The following ZRSR2 variants were observed in gnomAD, a reference collection of about 807,000 sequenced individuals.
ZRSR2 encodes the protein U2 small nuclear ribonucleoprotein auxiliary factor 35 kDa subunit-related protein 2.
ZRSR2 carries 3 observed loss-of-function variants against 39.4 expected under a neutral mutation model. The ratio of observed to expected loss-of-function variants is 0.08; its 90% CI spans 0.03 to 0.20. ZRSR2 has a LOEUF of 0.20. ZRSR2 is among the 10% of genes least tolerant of loss of function. The probability of loss-of-function intolerance (pLI) is 1.00; values close to 1 mark genes in which losing one functional copy is unlikely to be tolerated. For missense variants in ZRSR2, 256 were observed against 391.5 expected (o/e 0.65, Z 2.92); for synonymous variants, 137 against 136.0 (o/e 1.01, Z -0.05).
rs1161449830 is a variant in ZRSR2 at position 15,805,844 on chromosome X, T to C, written c.399+1647T>C. Among the ~76,000 whole-genome samples the C allele has an allele frequency of 1.0e-4, 6 of 60,062 alleles. No homozygotes were observed. In the East Asian group the frequency reaches 1.7e-3, roughly 17 times the overall value. The allele number at this position is 60,062 out of a possible 115,157, so 52.2% of individuals were successfully genotyped here. On this transcript the variant is annotated intron_variant, in intron 5 of 10. Transcript: ENST00000307771. ...TACTCAGGAGTCTGAGGCAGAAGAATCACTTGAACCGGGAGGCAGAGGTTT... is the reference window on the plus strand; with the variant it reads ...TACTCAGGAGTCTGAGGCAGAAGAACCACTTGAACCGGGAGGCAGAGGTTT...
In ZRSR2 at chrX:15,799,971, C is replaced by T. The variant is rs1932611693; in HGVS notation, c.203+18C>T. 3.7e-6 allele frequency: 4 copies of T among 1,078,315 alleles called. No individual in the cohort carries two copies. The highest frequency in any genetic ancestry group is 5.0e-6 in the Non-Finnish European group (4 of 794,856). 88.9% of individuals were successfully genotyped at this position (1,078,315 alleles called of 1,213,427 possible). A position where few individuals can be genotyped will look rare whatever the true frequency, so the allele number is the denominator to read the frequency against. ...AGAGAGAGGTCAGTGCTAATTGAAA[C>T]ACTTAAAGTGAATGAAGTTATTTTA... On this transcript the variant is annotated intron_variant, in intron 3 of 10. Coordinates refer to ENST00000307771, the MANE Select transcript of ZRSR2 (RefSeq NM_005089.4).
chrX:15,797,082 C>A (rs914661202), intron 2 of ZRSR2, among the ~76,000 whole-genome samples: 1 of 110,380 alleles, frequency 9.1e-6, no homozygotes, highest in African/African-American at 3.3e-5. Flanking sequence ...GCATGAGCCA[C>A]CGCTCCCTGG....
In ZRSR2 at chrX:15,822,897, C is replaced by T; in HGVS notation, c.1104C>T (p.Gly368=). The change falls in exon 11 of 11, where the codon GGC becomes GGT. Residue 368 remains glycine (G), a synonymous_variant. Transcript: ENST00000307771. The part of the protein sequence containing the change: ...GKNSERRERM[G]HHDDYYSRLR... Reference sequence around the variant, plus strand: ...ACTCCGAAAGGAGGGAGAGGATGGGCCACCACGACGACTACTACAGCAGGC... The same window carrying T: ...ACTCCGAAAGGAGGGAGAGGATGGGTCACCACGACGACTACTACAGCAGGC... 2 of 1,212,239 alleles carry T rather than the reference C, an allele frequency of 1.6e-6. No individual in the cohort carries two copies. Among genetic ancestry groups the T allele is most frequent in the Non-Finnish European group, 2.2e-6 (2 of 895,639 alleles).
intron 2 of ZRSR2, among the ~76,000 whole-genome samples, chrX:15,794,884 T>C (rs559919936): frequency 8.9e-6 from 1 of 112,263 alleles, no homozygotes; most frequent in South Asian, 3.7e-4. Flanking sequence ...CAGTCTTGAA[T>C]AATTGGCCCT....
At chrX:15,794,337 C>G (rs188427794) in intron 2 of ZRSR2, among the ~76,000 whole-genome samples, 1 of 110,547 alleles carries the variant, frequency 9.0e-6, no homozygotes, top group African/African-American at 3.3e-5. Context: ...CGCCCCCCGC[C>G]CCTCCCCACA....
chrX:15,823,086 G>A lies in ZRSR2; in HGVS notation c.1293G>A (p.Arg431=), dbSNP rs1193160488. ...GAGGAAGAAATAGGGACCGCAGCAG[G>A]GACCGCAGCCGGGGCCGGGGCAGCC... ...RSRGRNRDRS[R]DRSRGRGSRS... is the part of the protein sequence containing the mutation. Residue 431 remains arginine, a synonymous_variant, in exon 11 of 11, where the codon AGG becomes AGA. Coordinates refer to ENST00000307771, the MANE Select transcript of ZRSR2 (RefSeq NM_005089.4). 2.5e-6 allele frequency: 3 copies of A among 1,209,196 alleles called. No individual in the cohort carries two copies. In the South Asian group the frequency reaches 5.3e-5, roughly 21 times the overall value.
chrX:15,797,582 T>C (rs956111982), intron 2 of ZRSR2, among the ~76,000 whole-genome samples: 4 of 112,163 alleles, frequency 3.6e-5, no homozygotes, highest in African/African-American at 1.3e-4. Context: ...GTACATATAT[T>C]TTATGCATTC....
intron 2 of ZRSR2, among the ~76,000 whole-genome samples, chrX:15,796,996 G>A (rs1160194901): frequency 9.3e-6 from 1 of 107,240 alleles, no homozygotes; most frequent in African/African-American, 3.4e-5. Context: ...GTTTCGCCAT[G>A]TTGGCCAGGC....
At chrX:15,805,262 T>A (rs1381643999) in intron 5 of ZRSR2, among the ~76,000 whole-genome samples, 1 of 111,659 alleles carries the variant, frequency 9.0e-6, no homozygotes, top group East Asian at 2.8e-4. Context: ...ATGCTAGGTT[T>A]TTAGGGGGCA....
intron 10 of ZRSR2, among the ~76,000 whole-genome samples, 165 bp downstream of exon 10, chrX:15,820,481 T>C (rs890235746): frequency 4.5e-5 from 5 of 111,900 alleles, no homozygotes; most frequent in Non-Finnish European, 9.4e-5. Context: ...TTTAGATCTG[T>C]AACCGACCTC....
Position 15,799,961 on chromosome X carries a change from C to T in ZRSR2, c.203+8C>T, listed in dbSNP as rs1284209691. 1.4e-5 allele frequency: 16 copies of T among 1,129,192 alleles called. No homozygotes were observed. Among genetic ancestry groups the T allele is most frequent in the African/African-American group, 1.9e-5 (1 of 51,790 alleles). 93.1% of individuals were successfully genotyped at this position (1,129,192 alleles called of 1,213,427 possible). On this transcript the variant is annotated splice_region_variant and intron_variant, in intron 3 of 10. Transcript: ENST00000307771. ...GCTATTGGAAAGAGAGAGGTCAGTG[C>T]TAATTGAAACACTTAAAGTGAATGA...
chrX:15,812,171 C>T (rs771982065), intron 7 of ZRSR2, among the ~76,000 whole-genome samples: 20 of 111,420 alleles, frequency 1.8e-4, no homozygotes, highest in African/African-American at 5.9e-4. Context: ...CCTTGTGATC[C>T]GCCCGCCTCG....
chrX:15,818,072 A>G (rs922959990), intron 8 of ZRSR2, among the ~76,000 whole-genome samples: 1 of 111,728 alleles, frequency 9.0e-6, no homozygotes, highest in African/African-American at 3.3e-5. Flanking sequence ...CATGCATATG[A>G]TGTATGTATA....
At chrX:15,820,015 G>T (rs1217419166) in intron 9 of ZRSR2, among the ~76,000 whole-genome samples, 192 bp from the exon 10 acceptor site, 1 of 112,036 alleles carries the variant, frequency 8.9e-6, no homozygotes, top group Non-Finnish European at 1.9e-5. Context: ...CCTCTCCGAG[G>T]GTTAGTAAAA....
rs1190737689 is a variant in ZRSR2 at position 15,820,210 on chromosome X, A to G, written c.831A>G (p.Glu277=). The change falls in exon 10 of 11, where the codon GAA becomes GAG. Residue 277 remains glutamate (E), a synonymous_variant. Transcript: ENST00000307771. ...RGNVYVQYQS[E]EECQAALSLF... is the part of the protein sequence containing the mutation. ...TCATTTGATTTTTGGTTTAAAGGGA[A>G]GAAGAATGCCAAGCAGCCCTTTCTC... 3.3e-6 allele frequency: 4 copies of G among 1,206,381 alleles called. No homozygotes were observed. Among genetic ancestry groups the G allele is most frequent in the African/African-American group, 1.8e-5 (1 of 57,136 alleles).
chrX:15,809,507 C>A (rs1932848490), intron 7 of ZRSR2, among the ~76,000 whole-genome samples, 189 bp downstream of exon 7: 1 of 112,590 alleles, frequency 8.9e-6, no homozygotes, highest in Non-Finnish European at 1.9e-5. Flanking sequence ...TTCCCTCTAT[C>A]CTTGTTCCCT....
intron 10 of ZRSR2, among the ~76,000 whole-genome samples, chrX:15,821,040 C>G (rs1245295261): frequency 8.9e-6 from 1 of 112,284 alleles, no homozygotes; most frequent in African/African-American, 3.2e-5. Context: ...ACTTGTGTTT[C>G]TTTGCTGTAT....
intron 10 of ZRSR2, 43 bp downstream of exon 10, chrX:15,820,359 G>T: frequency 9.1e-7 from 1 of 1,100,624 alleles, no homozygotes; most frequent in African/African-American, 1.8e-5. Context: ...TTGTTCCACT[G>T]CTATATAAAG....
chrX:15,791,587 A>G (rs753185539), intron 2 of ZRSR2, among the ~76,000 whole-genome samples: 1 of 109,575 alleles, frequency 9.1e-6, no homozygotes, highest in Non-Finnish European at 1.9e-5. Context: ...CTCCCACCTC[A>G]GCCTCCCTAG....
Sources: gnomAD v4.1 joint callset for allele counts (sites outside exome capture counted in the v4.1 genomes callset) on GRCh38, gnomAD v4.1.1 for gene constraint, MANE v1.5 for transcripts, NCBI Gene and HGNC (gene_info 2026-07-23, HGNC 2026-07-21) for gene names.